SDK1: variants seen among roughly 807,000 people sequenced by gnomAD.
SDK1 encodes sidekick cell adhesion molecule 1.
In SDK1, 157 loss-of-function variants were observed where a neutral mutation model predicts 245.5. That is an observed-to-expected ratio of 0.64 (90% CI 0.56 to 0.73). SDK1 has a LOEUF of 0.73. Ranked by LOEUF, SDK1 falls within the 30% of genes least tolerant of loss-of-function variation. The probability of loss-of-function intolerance (pLI) is 0.00; values close to 1 mark genes in which losing one functional copy is unlikely to be tolerated. For missense variants in SDK1, 3,583 were observed against 3,002.3 expected (o/e 1.19, Z -4.52); for synonymous variants, 1,647 against 1,278.5 (o/e 1.29, Z -6.15).
intron 1 of SDK1, among the ~76,000 whole-genome samples, chr7:3,359,094 G>T (rs1184118428): frequency 6.6e-6 from 1 of 152,176 alleles, no homozygotes; most frequent in African/African-American, 2.4e-5. Context: ...CACAGCGTTA[G>T]TTTAAGGAAT....
At chr7:3,660,553 A>G (rs1210652158) in intron 4 of SDK1, among the ~76,000 whole-genome samples, 4 of 152,230 alleles carry the variant, frequency 2.6e-5, no homozygotes, top group African/African-American at 9.6e-5. Flanking sequence ...AAACCTGCCC[A>G]TAATGGGCTC....
intron 5 of SDK1, among the ~76,000 whole-genome samples, chr7:3,885,618 GTC>G (rs1486336143): frequency 6.6e-6 from 1 of 152,110 alleles, no homozygotes; most frequent in Non-Finnish European, 1.5e-5. Context: ...AATTTCGTGT[GTC>G]TCTGTTTTCT....
At chr7:3,372,197 C>T (rs1254609445) in intron 1 of SDK1, among the ~76,000 whole-genome samples, 2 of 152,258 alleles carry the variant, frequency 1.3e-5, no homozygotes, top group East Asian at 1.9e-4. Context: ...GGGAGAGAGT[C>T]TGGAGCAGTG....
intron 1 of SDK1, among the ~76,000 whole-genome samples, chr7:3,383,582 G>A (rs1781542214): frequency 6.6e-6 from 1 of 152,118 alleles, no homozygotes; most frequent in East Asian, 1.9e-4. Flanking sequence ...TCTGTTTTGA[G>A]GACCTGATCT....
intron 2 of SDK1, among the ~76,000 whole-genome samples, chr7:3,631,230 A>G (rs568447572): frequency 6.6e-6 from 1 of 152,276 alleles, no homozygotes; most frequent in African/African-American, 2.4e-5. Flanking sequence ...CACCACACTC[A>G]GCTTCTAATG....
chr7:3,407,794 G>A (rs1779092944), intron 1 of SDK1, among the ~76,000 whole-genome samples: 1 of 152,160 alleles, frequency 6.6e-6, no homozygotes, highest in African/African-American at 2.4e-5. Context: ...TCTCCTCAAG[G>A]AGTTCCCACT....
chr7:3,549,415 G>T (rs1425310440), intron 1 of SDK1, among the ~76,000 whole-genome samples: 2 of 152,170 alleles, frequency 1.3e-5, no homozygotes, highest in Non-Finnish European at 2.9e-5. Flanking sequence ...AATTCTTTGT[G>T]AGTTGCTATC....
intron 5 of SDK1, among the ~76,000 whole-genome samples, chr7:3,853,568 G>C (rs182396571): frequency 6.6e-6 from 1 of 152,122 alleles, no homozygotes; most frequent in Admixed American, 6.5e-5. Flanking sequence ...TCCAGTCTCA[G>C]ATTTTTTTGG....
chr7:3,725,070 G>C (rs1778969534), intron 4 of SDK1, among the ~76,000 whole-genome samples: 1 of 152,164 alleles, frequency 6.6e-6, no homozygotes, highest in Non-Finnish European at 1.5e-5. Flanking sequence ...GGGCCTAGTT[G>C]TTACTTTTAA....
intron 1 of SDK1, among the ~76,000 whole-genome samples, chr7:3,528,944 C>T (rs923900846): frequency 2.6e-5 from 4 of 152,070 alleles, no homozygotes; most frequent in Non-Finnish European, 5.9e-5. Flanking sequence ...GAAGAAGGAG[C>T]AATCAGGCCA....
chr7:3,745,051 T>C (rs1779580018), intron 4 of SDK1, among the ~76,000 whole-genome samples: 2 of 152,130 alleles, frequency 1.3e-5, no homozygotes, highest in Non-Finnish European at 1.5e-5. Flanking sequence ...TTAGCTTTAG[T>C]ATTGTCTCAA....
intron 1 of SDK1, among the ~76,000 whole-genome samples, chr7:3,568,664 G>C (rs1457523473): frequency 6.6e-6 from 1 of 152,166 alleles, no homozygotes; most frequent in East Asian, 1.9e-4. Context: ...GCAGACCTGT[G>C]GCAGACAGAG....
At chr7:3,527,277 G>A (rs1418390727) in intron 1 of SDK1, among the ~76,000 whole-genome samples, 1 of 152,136 alleles carries the variant, frequency 6.6e-6, no homozygotes, top group East Asian at 1.9e-4. Context: ...TTCTAGTGTG[G>A]GAGAGAGACA....
chr7:3,654,796 G>A (rs769030752), intron 4 of SDK1, among the ~76,000 whole-genome samples: 1 of 152,142 alleles, frequency 6.6e-6, no homozygotes, highest in Non-Finnish European at 1.5e-5. Context: ...TAAATGACAG[G>A]AGTTTAATAT....
chr7:3,432,428 G>C (rs538344459), intron 1 of SDK1, among the ~76,000 whole-genome samples: 1 of 152,232 alleles, frequency 6.6e-6, no homozygotes, highest in African/African-American at 2.4e-5. Context: ...CTTATTCCTA[G>C]ATGTGAATTC....
intron 1 of SDK1, among the ~76,000 whole-genome samples, chr7:3,424,730 C>G (rs1779629335): frequency 6.6e-6 from 1 of 152,012 alleles, no homozygotes; most frequent in Non-Finnish European, 1.5e-5. Flanking sequence ...GACTCTATCT[C>G]TACAAAAAAT....
chr7:3,803,120 T>G (rs1779146902), intron 4 of SDK1, among the ~76,000 whole-genome samples: 1 of 152,214 alleles, frequency 6.6e-6, no homozygotes, highest in Admixed American at 6.5e-5. Context: ...TCTGCATTAC[T>G]GTTTTTTTAC....
chr7:4,132,761 A>G (rs934528164), intron 28 of SDK1, among the ~76,000 whole-genome samples: 4 of 152,162 alleles, frequency 2.6e-5, no homozygotes, highest in African/African-American at 9.7e-5. Context: ...GATGGTATTT[A>G]AAAGGAGAGA....
chr7:3,468,584 C>A (rs977085029), intron 1 of SDK1, among the ~76,000 whole-genome samples: 3 of 152,160 alleles, frequency 2.0e-5, no homozygotes, highest in Non-Finnish European at 2.9e-5. Context: ...CGGTGTTTGA[C>A]TGTAGGTCAT....
Sources: allele counts gnomAD v4.1 joint callset (sites outside exome capture counted in the v4.1 genomes callset), GRCh38; gene constraint gnomAD v4.1.1; transcripts MANE v1.5; gene names NCBI Gene and HGNC (gene_info 2026-07-23, HGNC 2026-07-21).